The following HDAC9 variants were observed in gnomAD, a reference collection of about 807,000 sequenced individuals.
HDAC9 encodes MEF-2 interacting transcription repressor (MITR) protein.
HDAC9 carries 41 observed loss-of-function variants against 139.4 expected under a neutral mutation model. That is an observed-to-expected ratio of 0.29 (90% CI 0.23 to 0.38). The LOEUF (loss-of-function observed/expected upper bound fraction) is 0.38. Among genes scored for constraint, HDAC9 ranks in the 10% least tolerant of loss-of-function variants. The probability of loss-of-function intolerance (pLI) is 1.00; values close to 1 mark genes in which losing one functional copy is unlikely to be tolerated. For synonymous variants in HDAC9, 517 were observed against 476.2 expected (o/e 1.09, Z -1.12); for missense variants, 1,147 against 1,297.0 (o/e 0.88, Z 1.78).
intron 13 of HDAC9, among the ~76,000 whole-genome samples, chr7:18,740,245 C>T (rs1787323656): frequency 1.3e-5 from 2 of 152,204 alleles, no homozygotes; most frequent in South Asian, 4.1e-4. Flanking sequence ...GATGCCCTGC[C>T]CTGCTTCAGC....
intron 2 of HDAC9, among the ~76,000 whole-genome samples, chr7:18,542,537 G>T (rs1813346513): frequency 6.6e-6 from 1 of 152,138 alleles, no homozygotes; most frequent in African/African-American, 2.4e-5. Flanking sequence ...TCTTTGTATA[G>T]AATATGTGCA....
chr7:18,308,672 A>C (rs570272498), intron 1 of HDAC9, among the ~76,000 whole-genome samples: 1 of 152,316 alleles, frequency 6.6e-6, no homozygotes, highest in African/African-American at 2.4e-5. Context: ...AAAGAAGTGG[A>C]AACTATATTA....
intron 1 of HDAC9, among the ~76,000 whole-genome samples, chr7:18,309,516 C>A (rs1241435442): frequency 6.6e-6 from 1 of 152,122 alleles, no homozygotes; most frequent in African/African-American, 2.4e-5. Context: ...AAAATAACAT[C>A]CTTCCATTCT....
intron 12 of HDAC9, among the ~76,000 whole-genome samples, chr7:18,698,508 C>T (rs1783219420): frequency 6.6e-6 from 1 of 152,230 alleles, no homozygotes; most frequent in Non-Finnish European, 1.5e-5. Context: ...CCACACTTTG[C>T]TGATATAGTA....
At chr7:18,207,998 G>A (rs1220498401) in intron 2 of HDAC9, among the ~76,000 whole-genome samples, 1 of 152,134 alleles carries the variant, frequency 6.6e-6, no homozygotes, top group Non-Finnish European at 1.5e-5. Context: ...ACAGGTGTGA[G>A]CCACTGTGCT....
At position 18,335,478 on chromosome 7, in the gene HDAC9, C is replaced by G. The variant is rs1334824523; in HGVS notation, c.-42+44963C>G. On this transcript the variant is annotated intron_variant, in intron 1 of 3. Coordinates refer to the HDAC9 transcript ENST00000413509. The stretch of plus-strand genomic sequence containing the variant: ...GGTCTTGATGTACATGGATTTTCTT[C>G]TTATCTTAGTGCAAGTCTGGGAAGG... Among the ~76,000 whole-genome samples, 3 of 151,410 alleles carry G rather than the reference C, an allele frequency of 2.0e-5. No homozygotes were observed. In the East Asian group the frequency reaches 5.8e-4, roughly 29 times the overall value.
At chr7:18,541,044 C>G (rs1586832471) in intron 2 of HDAC9, among the ~76,000 whole-genome samples, 1 of 151,754 alleles carries the variant, frequency 6.6e-6, no homozygotes. Flanking sequence ...CCAAAGCACA[C>G]ACTCCACCAT....
chr7:18,694,624 C>G (rs1782905603), intron 12 of HDAC9, among the ~76,000 whole-genome samples: 1 of 152,006 alleles, frequency 6.6e-6, no homozygotes, highest in African/African-American at 2.4e-5. Flanking sequence ...TGGCTGCCTG[C>G]TTCAGAAAAG....
intron 1 of HDAC9, among the ~76,000 whole-genome samples, chr7:18,105,142 A>G (rs557255949): frequency 4.9e-5 from 4 of 81,004 alleles, no homozygotes; most frequent in African/African-American, 1.6e-4. Context: ...GATTTCATCT[A>G]CATCTAGGAT....
At chr7:18,964,583 A>G (rs141038466) in intron 24 of HDAC9, among the ~76,000 whole-genome samples, 311 of 152,344 alleles carry the variant, frequency 2.0e-3, no homozygotes, top group African/African-American at 7.0e-3. Flanking sequence ...ACAACTGCCC[A>G]ACACTGGGCA....
At chr7:18,418,688 G>C (rs1174070943) in intron 1 of HDAC9, among the ~76,000 whole-genome samples, 1 of 151,926 alleles carries the variant, frequency 6.6e-6, no homozygotes, top group Non-Finnish European at 1.5e-5. Context: ...AAAATTTTAT[G>C]CTTAATTGAA....
At chr7:18,701,232 G>A (rs1045057916) in intron 12 of HDAC9, among the ~76,000 whole-genome samples, 5 of 150,540 alleles carry the variant, frequency 3.3e-5, no homozygotes, top group Admixed American at 6.6e-5. Flanking sequence ...ACAACTCTCC[G>A]AGATAAGTGA....
chr7:18,367,030 T>C (rs1191655715), intron 1 of HDAC9, among the ~76,000 whole-genome samples: 1 of 152,116 alleles, frequency 6.6e-6, no homozygotes, highest in Non-Finnish European at 1.5e-5. Context: ...CTCATTCTCT[T>C]CCCATCTGTA....
intron 24 of HDAC9, among the ~76,000 whole-genome samples, chr7:18,957,117 G>A (rs1213820548): frequency 2.6e-5 from 4 of 152,172 alleles, no homozygotes; most frequent in African/African-American, 4.8e-5. Flanking sequence ...ATAGTGGGTT[G>A]AGGTTGTAAA....
At chr7:18,213,634 G>A (rs528337303) in intron 2 of HDAC9, among the ~76,000 whole-genome samples, 1 of 152,208 alleles carries the variant, frequency 6.6e-6, no homozygotes, top group Admixed American at 6.5e-5. Context: ...CTCCTATTCA[G>A]ACAAAATAGT....
chr7:18,634,739 C>G lies in HDAC9; in HGVS notation c.909C>G (p.Ala303=). The G allele has an allele frequency of 6.4e-7, 1 of 1,566,980 alleles. No homozygotes were observed. Among genetic ancestry groups the G allele is most frequent in the South Asian group, 1.2e-5 (1 of 86,322 alleles). ...CGGTTTTGCCCCCTACCCCTCATGC[C>G]GAGGTAAGACCCTTATTATTTTGTT... ...ETSVLPPTPH[A]EQMVSQQRIL... is the part of the protein sequence containing the mutation. The change falls in exon 8 of 26, where the codon GCC becomes GCG. Residue 303 remains alanine, a synonymous_variant. Transcript: ENST00000686413.
intron 23 of HDAC9, among the ~76,000 whole-genome samples, chr7:18,936,550 G>A (rs1367621974): frequency 1.3e-5 from 2 of 152,180 alleles, no homozygotes. Flanking sequence ...GCAGAATTCA[G>A]ATCCAATTGC....
At chr7:18,840,583 G>T (rs1195809569) in intron 21 of HDAC9, among the ~76,000 whole-genome samples, 2 of 151,968 alleles carry the variant, frequency 1.3e-5, no homozygotes, top group Non-Finnish European at 2.9e-5. Flanking sequence ...AATGCTATGT[G>T]CTTCTAAATT....
At chr7:18,092,279 A>G (rs1303138598) in intron 1 of HDAC9, among the ~76,000 whole-genome samples, 1 of 152,056 alleles carries the variant, frequency 6.6e-6, no homozygotes, top group East Asian at 1.9e-4. Context: ...AGTCCCAGCT[A>G]GTTGGCAGGC....
Sources: allele counts gnomAD v4.1 joint callset (sites outside exome capture counted in the v4.1 genomes callset), GRCh38; gene constraint gnomAD v4.1.1; transcripts MANE v1.5; gene names NCBI Gene and HGNC (gene_info 2026-07-23, HGNC 2026-07-21).